CDYL: variants seen among roughly 807,000 people sequenced by gnomAD.
CDYL encodes chromodomain Y like.
CDYL carries 8 observed loss-of-function variants against 47.3 expected under a neutral mutation model. The observed-to-expected ratio is 0.17, with a 90% CI of 0.10 to 0.31. The LOEUF is 0.31. Ranked by LOEUF, CDYL falls within the 10% of genes least tolerant of loss-of-function variation. The pLI, the probability that CDYL is intolerant of heterozygous loss-of-function variation, is 1.00. For missense variants in CDYL, 471 were observed against 701.4 expected (o/e 0.67, Z 3.71); for synonymous variants, 266 against 265.0 (o/e 1.00, Z -0.04).
chr6:4,744,248 T>C (rs1757849048), intron 3 of CDYL, among the ~76,000 whole-genome samples: 1 of 152,158 alleles, frequency 6.6e-6, no homozygotes, highest in South Asian at 2.1e-4. Flanking sequence ...ATCCCAGCAC[T>C]CTGGGAGGCT....
intron 2 of CDYL, among the ~76,000 whole-genome samples, chr6:4,719,197 G>A (rs1224771293): frequency 6.6e-6 from 1 of 151,908 alleles, no homozygotes; most frequent in East Asian, 1.9e-4. Flanking sequence ...AGTGCTGTAA[G>A]CCACCACACC....
At chr6:4,836,803 A>T (rs574980409) in intron 1 of CDYL, among the ~76,000 whole-genome samples, 1 of 152,208 alleles carries the variant, frequency 6.6e-6, no homozygotes, top group Non-Finnish European at 1.5e-5. Flanking sequence ...GGCAGTGAGT[A>T]CATTTCTGAT....
intron 2 of CDYL, among the ~76,000 whole-genome samples, chr6:4,920,684 T>C (rs926930688): frequency 6.6e-6 from 1 of 152,176 alleles, no homozygotes; most frequent in Non-Finnish European, 1.5e-5. Context: ...ACTGGTGTGA[T>C]CTCGGCTCAC....
chr6:4,792,709 T>TA lies in CDYL; in HGVS notation c.24+15903dup, dbSNP rs1758960534. ...CCTTGGCCTCCCAAAGTGCTGGGAT[T>TA]ACAGGCATGAGCCACCGCGCCTGGC... On this transcript the variant is annotated intron_variant, in intron 1 of 6. Coordinates refer to ENST00000397588, the MANE Select transcript of CDYL (RefSeq NM_004824.4). 2.6e-5 allele frequency among the ~76,000 whole-genome samples: 4 copies of TA among 152,296 alleles called. No homozygotes were observed. In the South Asian group the frequency reaches 8.3e-4, roughly 32 times the overall value.
At position 4,776,750 on chromosome 6, in the gene CDYL, C is replaced by CG; in HGVS notation, c.-34_-33insG. 1 of 1,092,616 alleles carries CG rather than the reference C, an allele frequency of 9.2e-7. No individual in the cohort carries two copies. The highest frequency in any genetic ancestry group is 2.9e-5 in the Admixed American group (1 of 33,924). The allele number at this position is 1,092,616 out of a possible 1,614,324, so 67.7% of individuals were successfully genotyped here. On this transcript the variant is annotated 5_prime_UTR_variant, in exon 1 of 7. Coordinates refer to ENST00000397588, the MANE Select transcript of CDYL (RefSeq NM_004824.4). ...GCCCGGCGCCGGCGCCCGCCCCGACCCTGCCCCTCCCGCCCGCAACTCCGC... is the reference window on the plus strand; with the variant it reads ...GCCCGGCGCCGGCGCCCGCCCCGACCGCTGCCCCTCCCGCCCGCAACTCCGC...
intron 2 of CDYL, among the ~76,000 whole-genome samples, chr6:4,723,425 C>A (rs1407548488): frequency 6.6e-6 from 1 of 151,954 alleles, no homozygotes; most frequent in African/African-American, 2.4e-5. Context: ...CCAAACTGGG[C>A]GATCTGACGA....
At chr6:4,893,549 C>T (rs369401117) in intron 2 of CDYL, among the ~76,000 whole-genome samples, 10 of 152,336 alleles carry the variant, frequency 6.6e-5, no homozygotes, top group Middle Eastern at 3.4e-3. Flanking sequence ...AAAAATTAGC[C>T]AGGCGCGGTG....
Position 4,745,249 on chromosome 6 carries a change from C to G in CDYL, c.186+10405C>G, listed in dbSNP as rs2127418175. Among the ~76,000 whole-genome samples the G allele has an allele frequency of 1.3e-5, 2 of 152,268 alleles. 1 individual carries two copies. Among genetic ancestry groups the G allele is most frequent in the Admixed American group, 1.3e-4 (2 of 15,288 alleles). On this transcript the variant is annotated intron_variant, in intron 3 of 8. Transcript: ENST00000328908. Reference sequence around the variant, plus strand: ...TGCTGGCATGACAGGCCTGAGCCACCTCGCCTGGCCTACCCCAGCCATACT... The same window carrying G: ...TGCTGGCATGACAGGCCTGAGCCACGTCGCCTGGCCTACCCCAGCCATACT...
At chr6:4,710,250 A>G (rs937618016) in intron 1 of CDYL, among the ~76,000 whole-genome samples, 33 of 151,730 alleles carry the variant, frequency 2.2e-4, no homozygotes, top group African/African-American at 7.0e-4. Context: ...AAATCTCTTT[A>G]TGTTCATTTC....
chr6:4,894,834 CG>C (rs1389589369), intron 2 of CDYL, among the ~76,000 whole-genome samples: 1 of 145,348 alleles, frequency 6.9e-6, no homozygotes, highest in African/African-American at 2.6e-5. Flanking sequence ...CCACAAAAGT[CG>C]TGTGTGTGTG....
chr6:4,885,911 C>A (rs924454798), intron 1 of CDYL, among the ~76,000 whole-genome samples: 1 of 152,112 alleles, frequency 6.6e-6, no homozygotes. Context: ...CCTATTTACC[C>A]CTGTTACCTT....
rs1757363141 is a variant in CDYL, at chr6:4,721,216, T to C, written c.103+5335T>C. ...AGCGTTTTTTCAACTAGAAACCACATTCAAACAACCTTATTTTTCACTATG... is the reference window on the plus strand; with the variant it reads ...AGCGTTTTTTCAACTAGAAACCACACTCAAACAACCTTATTTTTCACTATG... On this transcript the variant is annotated intron_variant, in intron 2 of 8. Transcript: ENST00000328908. Among the ~76,000 whole-genome samples the C allele has an allele frequency of 2.0e-5, 3 of 152,332 alleles. No individual in the cohort carries two copies. In the South Asian group the frequency reaches 6.2e-4, roughly 32 times the overall value.
At chr6:4,734,685 G>A (rs1418408381) in intron 2 of CDYL, 7 of 1,581,720 alleles carry the variant, frequency 4.4e-6, no homozygotes, top group Non-Finnish European at 5.2e-6. Flanking sequence ...GTTGGGGGAT[G>A]GGGATGGAGG....
chr6:4,839,452 T>C (rs1037923704), intron 1 of CDYL, among the ~76,000 whole-genome samples: 3 of 152,276 alleles, frequency 2.0e-5, no homozygotes, highest in African/African-American at 4.8e-5. Flanking sequence ...TCTTTGTTTT[T>C]GTTGCATTTG....
intron 2 of CDYL, among the ~76,000 whole-genome samples, chr6:4,732,908 G>A (rs9392634): frequency 0.14 from 20,785 of 151,996 alleles, 1,855 homozygotes; most frequent in African/African-American, 0.26. Context: ...GAGTCCCTGC[G>A]GCGCTGCAGA....
rs1366405224 is a variant in CDYL, at chr6:4,878,574, G to T, written c.25-13139G>T. On this transcript the variant is annotated intron_variant, in intron 1 of 6. Coordinates refer to ENST00000397588, the MANE Select transcript of CDYL (RefSeq NM_004824.4). ...TACTTTTACGATGATGAATTTATTG[G>T]TATAATGTTTTTCATAATATTTTGT... Among the ~76,000 whole-genome samples the T allele has an allele frequency of 2.6e-5, 4 of 151,936 alleles. No individual in the cohort carries two copies. The East Asian group carries it at 7.7e-4, about 29-fold the overall frequency.
In CDYL at chr6:4,898,839, T is replaced by A. The variant is rs555816851; in HGVS notation, c.691+6460T>A. On this transcript the variant is annotated intron_variant, in intron 2 of 6. Coordinates refer to ENST00000397588, the MANE Select transcript of CDYL (RefSeq NM_004824.4). Reference sequence around the variant, plus strand: ...AAAACTTAATAAATCTGCATTATTTTCCAATGATTGATGTCGAACCAAGGC... The same window carrying A: ...AAAACTTAATAAATCTGCATTATTTACCAATGATTGATGTCGAACCAAGGC... 3.9e-5 allele frequency among the ~76,000 whole-genome samples: 6 copies of A among 152,352 alleles called. No homozygotes were observed. The South Asian group carries it at 1.0e-3, about 26-fold the overall frequency.
chr6:4,788,867 G>C (rs138246666), intron 1 of CDYL, among the ~76,000 whole-genome samples: 1 of 152,146 alleles, frequency 6.6e-6, no homozygotes, highest in Admixed American at 6.5e-5. Context: ...TTGCTCTGCT[G>C]TTCTGGGATG....
chr6:4,743,288 C>G (rs62384817), intron 3 of CDYL, among the ~76,000 whole-genome samples: 7 of 152,172 alleles, frequency 4.6e-5, no homozygotes, highest in Admixed American at 1.3e-4. Flanking sequence ...GATGGGCTTG[C>G]ACTCACTGGA....
Sources: gnomAD v4.1 joint callset for allele counts (sites outside exome capture counted in the v4.1 genomes callset) on GRCh38, gnomAD v4.1.1 for gene constraint, MANE v1.5 for transcripts, NCBI Gene and HGNC (gene_info 2026-07-23, HGNC 2026-07-21) for gene names.